GLRX2: variants seen among roughly 807,000 people sequenced by gnomAD.
GLRX2 encodes glutaredoxin 2, also known as bA101E13.1 (GRX2 glutaredoxin (thioltransferase) 2).
Under a neutral mutation model 16.4 loss-of-function variants are expected in GLRX2, and 12 were observed. The observed-to-expected ratio is 0.73, with a 90% CI of 0.47 to 1.19. The LOEUF (loss-of-function observed/expected upper bound fraction) is 1.19, where lower values mean the gene tolerates loss of function less well. Ranked by LOEUF, GLRX2 falls within the 50% of genes most tolerant of loss-of-function variation. GLRX2 has a pLI of 0.00. For missense variants in GLRX2, 201 were observed against 201.8 expected, an observed-to-expected ratio of 1.00 and a Z score of 0.02; for synonymous variants, 95 against 76.2, an observed-to-expected ratio of 1.25 and a Z score of -1.28.
Position 193,097,767 on chromosome 1 carries a change from T to C in GLRX2, c.184-7A>G, listed in dbSNP as rs774028272. 6.4e-7 allele frequency: 1 copy of C among 1,557,792 alleles called. No individual in the cohort carries two copies. The highest frequency in any genetic ancestry group is 8.7e-7 in the Non-Finnish European group (1 of 1,150,218). ...AATTATCAGAAATTGTTTCCTGAAA[T>C]AAAACCACAAAAAATCATTTTAATT... On this transcript the variant is annotated splice_polypyrimidine_tract_variant and splice_region_variant and intron_variant, in intron 2 of 3. Coordinates refer to ENST00000367439, the MANE Select transcript of GLRX2 (RefSeq NM_197962.3).
intron 2 of GLRX2, 105 bp downstream of exon 2, chr1:193,101,036 G>A (rs942628867): frequency 1.3e-6 from 1 of 764,858 alleles, no homozygotes; most frequent in African/African-American, 1.7e-5. Flanking sequence ...TAATTCATTT[G>A]CTAAACTATC....
intron 1 of GLRX2, among the ~76,000 whole-genome samples, chr1:193,102,044 A>T (rs1487805796): frequency 2.6e-5 from 4 of 152,176 alleles, no homozygotes; most frequent in Non-Finnish European, 5.9e-5. Context: ...CATGATGCAA[A>T]CTAACTGCAG....
At chr1:193,104,905 T>C (rs948389880) in intron 1 of GLRX2, among the ~76,000 whole-genome samples, 4 of 152,266 alleles carry the variant, frequency 2.6e-5, no homozygotes, top group Non-Finnish European at 5.9e-5. Context: ...TTTTCCTATG[T>C]CCACTGCAGT....
intron 1 of GLRX2, among the ~76,000 whole-genome samples, chr1:193,104,867 G>C (rs1675153506): frequency 6.6e-6 from 1 of 152,256 alleles, no homozygotes; most frequent in Admixed American, 6.5e-5. Flanking sequence ...AATTAGAATT[G>C]TAACCAAACA....
At chr1:193,099,878 A>G (rs762977922) in intron 2 of GLRX2, among the ~76,000 whole-genome samples, 2 of 152,196 alleles carry the variant, frequency 1.3e-5, no homozygotes, top group South Asian at 2.1e-4. Context: ...TAATGAATCC[A>G]TCTTACGGAG....
intron 1 of GLRX2, among the ~76,000 whole-genome samples, chr1:193,104,621 A>G (rs1675147372): frequency 6.6e-6 from 1 of 152,258 alleles, no homozygotes; most frequent in Non-Finnish European, 1.5e-5. Flanking sequence ...GCCAGGCACC[A>G]GCCGCGCGGG....
At position 193,103,040 on chromosome 1, in the gene GLRX2, G is replaced by A. The variant is rs189274420; in HGVS notation, c.120-1836C>T. Among the ~76,000 whole-genome samples the A allele has an allele frequency of 8.5e-5, 13 of 152,160 alleles. 1 individual carries two copies. The East Asian group carries it at 1.9e-3, about 23-fold the overall frequency. On this transcript the variant is annotated intron_variant, in intron 1 of 3. Coordinates refer to ENST00000367439, the MANE Select transcript of GLRX2 (RefSeq NM_197962.3). Reference sequence around the variant, plus strand: ...ACTTAATAATGGCTCCAACAAGAGTGAAACTCCGTCTTAAATAATAATAAT... The same window carrying A: ...ACTTAATAATGGCTCCAACAAGAGTAAAACTCCGTCTTAAATAATAATAAT...
chr1:193,102,009 G>A (rs1029759567), intron 1 of GLRX2, among the ~76,000 whole-genome samples: 1 of 151,874 alleles, frequency 6.6e-6, no homozygotes, highest in South Asian at 2.1e-4. Context: ...AGGCCCTACC[G>A]CACTGTTGGA....
At chr1:193,096,797 A>G in intron 3 of GLRX2, 38 bp from the exon 4 acceptor site, 1 of 1,533,280 alleles carries the variant, frequency 6.5e-7, no homozygotes, top group Non-Finnish European at 8.9e-7. Context: ...GCTTTACTCT[A>G]GTATCAGAAC....
chr1:193,104,354 G>C (rs745526791), intron 1 of GLRX2, among the ~76,000 whole-genome samples: 1 of 152,158 alleles, frequency 6.6e-6, no homozygotes, highest in Non-Finnish European at 1.5e-5. Context: ...CGCCTACTGT[G>C]TGCTAAGTAG....
upstream of GLRX2, chr1:193,105,461 C>T (rs921903949): frequency 4.1e-6 from 6 of 1,450,872 alleles, no homozygotes; most frequent in Non-Finnish European, 5.4e-6. Context: ...GGCCCGGCCC[C>T]CGCCTTGCCC....
In GLRX2 at chr1:193,105,294, G is replaced by C; in HGVS notation, c.89C>G (p.Ala30Gly). The C allele has an allele frequency of 6.5e-7, 1 of 1,529,502 alleles. No individual in the cohort carries two copies. The highest frequency in any genetic ancestry group is 8.7e-7 in the Non-Finnish European group (1 of 1,147,222). The allele number at this position is 1,529,502 out of a possible 1,614,324, so 94.7% of individuals were successfully genotyped here. ...GGCCGCAGCTGCCGCAGCTCCCGCAGCTCCCGCCGCCCTGTCAAGCCAGCC... is the reference window on the plus strand; with the variant it reads ...GGCCGCAGCTGCCGCAGCTCCCGCACCTCCCGCCGCCCTGTCAAGCCAGCC... ...SAGWLDRAAG[A>G]AGAAAAAASG... The change falls in exon 1 of 4, where the codon GCT becomes GGT. Residue 30 changes from alanine (A) to glycine (G), a missense_variant. Coordinates refer to ENST00000367439, the MANE Select transcript of GLRX2 (RefSeq NM_197962.3).
At chr1:193,105,876 G>A (rs1397165728), upstream of GLRX2, 4 of 1,180,320 alleles carry the variant, frequency 3.4e-6, no homozygotes, top group East Asian at 8.1e-5. Flanking sequence ...GCAATTGGTC[G>A]AGACCCAATG....
chr1:193,105,617 C>T, upstream of GLRX2: 1 of 1,604,690 alleles, frequency 6.2e-7, no homozygotes, highest in Non-Finnish European at 8.5e-7. Context: ...AAGCGGCTCA[C>T]TTGCTTATCT....
At chr1:193,100,046 T>C (rs1443408031) in intron 2 of GLRX2, among the ~76,000 whole-genome samples, 2 of 150,568 alleles carry the variant, frequency 1.3e-5, no homozygotes, top group African/African-American at 2.4e-5. Flanking sequence ...CTCTGACATA[T>C]ATTAGACACT....
intron 1 of GLRX2, 143 bp downstream of exon 1, chr1:193,105,121 C>G: frequency 1.6e-6 from 2 of 1,275,172 alleles, no homozygotes; most frequent in Non-Finnish European, 2.0e-6. Context: ...AGCGCCTCTG[C>G]GTGTTATGAC....
chr1:193,096,729 T>G lies in GLRX2; in HGVS notation c.391A>C (p.Ile131Leu). ...VPRIFVNGTF[I>L]GGATDTHRLH... ...CTATGAGTGTCAGTTGCACCTCCAATAAAAGTACCATTGACAAATATTCTT... is the reference window on the plus strand; with the variant it reads ...CTATGAGTGTCAGTTGCACCTCCAAGAAAAGTACCATTGACAAATATTCTT... The change falls in exon 4 of 4, where the codon ATT becomes CTT. Residue 131 changes from isoleucine (I) to leucine (L), a missense_variant. Transcript: ENST00000367439. 6.2e-7 allele frequency: 1 copy of G among 1,611,562 alleles called. No individual in the cohort carries two copies. Among genetic ancestry groups the G allele is most frequent in the Non-Finnish European group, 8.5e-7 (1 of 1,178,476 alleles).
chr1:193,102,655 A>T (rs1051125807), intron 1 of GLRX2, among the ~76,000 whole-genome samples: 41 of 152,196 alleles, frequency 2.7e-4, no homozygotes, highest in African/African-American at 9.6e-4. Context: ...GCCTGGCCTG[A>T]AATACTAGTC....
rs984605558 is a variant in GLRX2, at chr1:193,105,330, C to T, written c.53G>A (p.Ser18Asn). The T allele has an allele frequency of 6.5e-7, 1 of 1,547,186 alleles. No individual in the cohort carries two copies. The highest frequency in any genetic ancestry group is 1.2e-5 in the South Asian group (1 of 85,158). ...CCTGTCAAGCCAGCCTGCCGAGCCG[C>T]TCCTGCTCCAAACCAGCCGCGTCCC... ...LAGTRLVWSRSGSAGWLDRAA... is the reference protein window; with the variant it reads ...LAGTRLVWSRNGSAGWLDRAA... The change falls in exon 1 of 4, where the codon AGC (serine) becomes AAC (asparagine). Residue 18 changes from serine to asparagine, a missense_variant. Transcript: ENST00000367439.
Sources: gnomAD v4.1 joint callset for allele counts (sites outside exome capture counted in the v4.1 genomes callset) on GRCh38, gnomAD v4.1.1 for gene constraint, MANE v1.5 for transcripts, NCBI Gene and HGNC (gene_info 2026-07-23, HGNC 2026-07-21) for gene names.